AHDC1: variants seen among roughly 807,000 people sequenced by gnomAD.
AHDC1 encodes transcription factor Gibbin.
AHDC1 carries 7 observed loss-of-function variants against 87.9 expected under a neutral mutation model. The observed-to-expected ratio is 0.08, with a 90% CI of 0.05 to 0.15. AHDC1 has a LOEUF of 0.15. AHDC1 is among the 10% of genes least tolerant of loss of function. The probability of loss-of-function intolerance (pLI) is 1.00; values close to 1 mark genes in which losing one functional copy is unlikely to be tolerated. For missense variants in AHDC1, 1,841 were observed against 2,253.2 expected (o/e 0.82, Z 3.70); for synonymous variants, 1,051 against 1,006.8 (o/e 1.04, Z -0.83).
chr1:27,549,009 G>A lies in AHDC1; in HGVS notation c.3107C>T (p.Ser1036Phe), dbSNP rs1557660083. Reference protein sequence around the residue: ...GGPCLPPSKASFFSSSEGAPF... With the variant: ...GGPCLPPSKAFFFSSSEGAPF... Reference sequence around the variant, plus strand: ...GGCCCCCTCAGAGCTGCTGAAGAAGGAGGCCTTGCTTGGTGGCAGGCAGGG... The same window carrying A: ...GGCCCCCTCAGAGCTGCTGAAGAAGAAGGCCTTGCTTGGTGGCAGGCAGGG... The change falls in exon 8 of 9, where the codon TCC becomes TTC. Residue 1036 changes from serine to phenylalanine, a missense_variant. Around this residue, in one of 13 missense-constraint regions of AHDC1, gnomAD observed 378 missense variants for 399.0 expected, o/e 0.95. Transcript: ENST00000673934. 6.4e-7 allele frequency: 1 copy of A among 1,558,650 alleles called. No individual in the cohort carries two copies. Among genetic ancestry groups the A allele is most frequent in the Non-Finnish European group, 8.6e-7 (1 of 1,158,438 alleles).
chr1:27,598,601 G>A lies in AHDC1; in HGVS notation c.-629+4796C>T, dbSNP rs534114309. On this transcript the variant is annotated intron_variant, in intron 3 of 8. Transcript: ENST00000673934. This position sits in a 1 kb window ranked among gnomAD's most constrained non-coding sequence, Gnocchi z 4.2. The stretch of plus-strand genomic sequence containing the variant: ...CTGCTCTGGTCCCAGTTCCAGGCAT[G>A]AGGGGTTGTTCTTGCCAACTGCACT... Among the ~76,000 whole-genome samples the A allele has an allele frequency of 6.6e-6, 1 of 152,264 alleles. No individual in the cohort carries two copies. Among genetic ancestry groups the A allele is most frequent in the East Asian group, 1.9e-4 (1 of 5,176 alleles).
In AHDC1 at chr1:27,548,022, C is replaced by T; in HGVS notation, c.4094G>A (p.Cys1365Tyr). ...SDGTFGQGFH[C>Y]DSPSLGAPEL... ...GGGAGCACCCAGGCTGGGCGAGTCG[C>T]AGTGGAAGCCTTGGCCAAAGGTGCC... The change falls in exon 8 of 9, where the codon TGC becomes TAC. Residue 1365 changes from cysteine (C) to tyrosine (Y), a missense_variant. Cys to Tyr is a radical substitution (Grantham distance 194, BLOSUM62 -2). Coordinates refer to ENST00000673934, the MANE Select transcript of AHDC1 (RefSeq NM_001371928.1). The T allele has an allele frequency of 6.2e-7, 1 of 1,610,808 alleles. No individual in the cohort carries two copies. Among genetic ancestry groups the T allele is most frequent in the Non-Finnish European group, 8.5e-7 (1 of 1,177,484 alleles).
Position 27,550,339 on chromosome 1 carries a change from T to G in AHDC1, c.1777A>C (p.Lys593Gln). 1 of 1,614,072 alleles carries G rather than the reference T, an allele frequency of 6.2e-7. No homozygotes were observed. Among genetic ancestry groups the G allele is most frequent in the Non-Finnish European group, 8.5e-7 (1 of 1,179,982 alleles). Reference sequence around the variant, plus strand: ...TAGGATGGCTGGGGAGATGCCAGCTTCTGCTTCCGCCGCCGTCGTTTTTTT... The same window carrying G: ...TAGGATGGCTGGGGAGATGCCAGCTGCTGCTTCCGCCGCCGTCGTTTTTTT... ...EVKKRRRRKQ[K>Q]LASPQPSYAA... The change falls in exon 8 of 9, where the codon AAG (lysine) becomes CAG (glutamine). Residue 593 changes from lysine (K) to glutamine (Q), a missense_variant. By Grantham distance (53) the Lys-to-Gln change is moderately conservative. This residue lies in a region of AHDC1 where 84 missense variants were observed against 111.7 expected (regional missense o/e 0.75). Transcript: ENST00000673934.
rs1167851289 is a variant in AHDC1, at chr1:27,598,407, A to T, written c.-629+4990T>A. ...TGCAGGAGAGGGATCCTTGATGCCC[A>T]CCTTCCTCATCCCCTGGCCAATGGA... On this transcript the variant is annotated intron_variant, in intron 3 of 8. Coordinates refer to ENST00000673934, the MANE Select transcript of AHDC1 (RefSeq NM_001371928.1). This position sits in a 1 kb window ranked among gnomAD's most constrained non-coding sequence, Gnocchi z 4.2. 6.6e-6 allele frequency among the ~76,000 whole-genome samples: 1 copy of T among 152,130 alleles called. No individual in the cohort carries two copies. The highest frequency in any genetic ancestry group is 6.5e-5 in the Admixed American group (1 of 15,284).
rs201017997 is a variant in AHDC1 at position 27,551,747 on chromosome 1, C to T, written c.369G>A (p.Gln123=). Reference sequence around the variant, plus strand: ...TCAGGTCCTTCATGATGTCAATCAGCTGCACCACTGGTCGCAGGTTCACCC... The same window carrying T: ...TCAGGTCCTTCATGATGTCAATCAGTTGCACCACTGGTCGCAGGTTCACCC... ...NGRVNLRPVV[Q]LIDIMKDLTR... is the part of the protein sequence containing the mutation. The change falls in exon 8 of 9, where the codon CAG becomes CAA. Residue 123 remains glutamine, a synonymous_variant. Transcript: ENST00000673934. 2 of 1,613,774 alleles carry T rather than the reference C, an allele frequency of 1.2e-6. No individual in the cohort carries two copies. The highest frequency in any genetic ancestry group is 1.7e-6 in the Non-Finnish European group (2 of 1,179,948).
intron 3 of AHDC1, among the ~76,000 whole-genome samples, chr1:27,578,123 C>T (rs1419749884): frequency 2.6e-5 from 4 of 152,348 alleles, no homozygotes; most frequent in Admixed American, 6.5e-5. Context: ...AACATGGTAG[C>T]CACTAGCCAC....
At chr1:27,594,934 G>T (rs2089325371) in intron 3 of AHDC1, among the ~76,000 whole-genome samples, 1 of 152,060 alleles carries the variant, frequency 6.6e-6, no homozygotes, top group Admixed American at 6.6e-5. Flanking sequence ...TTGGAGAGGT[G>T]TAGGGGTGTC....
intron 3 of AHDC1, among the ~76,000 whole-genome samples, chr1:27,575,008 C>CCA (rs1430872802): frequency 6.6e-6 from 1 of 152,228 alleles, no homozygotes; most frequent in African/African-American, 2.4e-5. Flanking sequence ...ACATCTGCCC[C>CCA]CACATCGGCT....
chr1:27,588,889 C>T (rs1440049557), intron 3 of AHDC1, among the ~76,000 whole-genome samples: 1 of 151,872 alleles, frequency 6.6e-6, no homozygotes, highest in East Asian at 1.9e-4. Flanking sequence ...TTGTGCACTT[C>T]TGCTAGGAGG....
rs1196259823 is a variant in AHDC1, at chr1:27,604,086, C to G, written c.-863+20G>C. The G allele has an allele frequency of 6.5e-6, 1 of 154,460 alleles. No individual in the cohort carries two copies. Among genetic ancestry groups the G allele is most frequent in the Non-Finnish European group, 1.4e-5 (1 of 69,274 alleles). The allele number at this position is 154,460 out of a possible 1,614,324, so 9.6% of individuals were successfully genotyped here. A position where few individuals can be genotyped will look rare whatever the true frequency, so the allele number is the denominator to read the frequency against. ...CCTCGCTCGCTCCCTCCCTCCGTCT[C>G]TCGCCCTCGCCCTGCCTGCCTGCCT... On this transcript the variant is annotated intron_variant, in intron 1 of 8. Coordinates refer to ENST00000673934, the MANE Select transcript of AHDC1 (RefSeq NM_001371928.1).
At chr1:27,573,687 T>C (rs2088617018) in intron 3 of AHDC1, among the ~76,000 whole-genome samples, 1 of 152,126 alleles carries the variant, frequency 6.6e-6, no homozygotes, top group Admixed American at 6.5e-5. Flanking sequence ...CAAGGGAAGG[T>C]TACAAAGTTC....
chr1:27,583,296 A>G (rs1461333800), intron 3 of AHDC1, among the ~76,000 whole-genome samples: 1 of 152,048 alleles, frequency 6.6e-6, no homozygotes, highest in African/African-American at 2.4e-5. Context: ...CTGAGCCCTA[A>G]GCCGCGTTCA....
rs563167648 is a variant in AHDC1 at position 27,560,067 on chromosome 1, G to A, written c.-628-1184C>T. Among the ~76,000 whole-genome samples, 4 of 152,298 alleles carry A rather than the reference G, an allele frequency of 2.6e-5. No homozygotes were observed. Among genetic ancestry groups the A allele is most frequent in the East Asian group, 3.9e-4 (2 of 5,190 alleles). ...AGCGTGTCCATGTGTGGGATCACGC[G>A]TTTGCTCAGTTGTGGCTGCTGTGGT... is the stretch of plus-strand genomic sequence containing the variant. On this transcript the variant is annotated intron_variant, in intron 3 of 8. Coordinates refer to ENST00000673934, the MANE Select transcript of AHDC1 (RefSeq NM_001371928.1). This position sits in a 1 kb window ranked among gnomAD's most constrained non-coding sequence, Gnocchi z 4.1.
At chr1:27,571,213 A>C (rs2020552084) in intron 3 of AHDC1, among the ~76,000 whole-genome samples, 2 of 152,150 alleles carry the variant, frequency 1.3e-5, no homozygotes, top group Non-Finnish European at 2.9e-5. Context: ...CTGCCACCCC[A>C]AATGTCCCAT....
chr1:27,576,551 T>G (rs970369095), intron 3 of AHDC1, among the ~76,000 whole-genome samples: 3 of 152,186 alleles, frequency 2.0e-5, no homozygotes, highest in Admixed American at 6.5e-5. Context: ...TTCACGAAGG[T>G]TAAGTGACCC....
intron 3 of AHDC1, among the ~76,000 whole-genome samples, chr1:27,566,922 G>A (rs1269124564): frequency 1.3e-5 from 2 of 151,976 alleles, no homozygotes; most frequent in East Asian, 1.9e-4. Flanking sequence ...GCATGGTAGG[G>A]GGCTGAGGCA....
intron 8 of AHDC1, among the ~76,000 whole-genome samples, chr1:27,535,213 A>T (rs934689171): frequency 6.6e-6 from 1 of 152,218 alleles, no homozygotes; most frequent in Admixed American, 6.5e-5. Flanking sequence ...CTCTGGAATC[A>T]GACACAGCTG....
chr1:27,565,992 C>T lies in AHDC1; in HGVS notation c.-628-7109G>A, dbSNP rs1362986778. On this transcript the variant is annotated intron_variant, in intron 3 of 8. Transcript: ENST00000673934. The surrounding 1 kb of genome is among the most constrained non-coding windows in gnomAD (Gnocchi z 4.6). ...CATAAGCCCAGTGGGGCTTCCAGGACATCTGGCCCCTACTAAAAAGAGGGA... is the reference window on the plus strand; with the variant it reads ...CATAAGCCCAGTGGGGCTTCCAGGATATCTGGCCCCTACTAAAAAGAGGGA... Among the ~76,000 whole-genome samples, 1 of 152,168 alleles carries T rather than the reference C, an allele frequency of 6.6e-6. No individual in the cohort carries two copies. Among genetic ancestry groups the T allele is most frequent in the Non-Finnish European group, 1.5e-5 (1 of 68,030 alleles).
In AHDC1 at chr1:27,541,983, C is replaced by T. The variant is rs116795702; in HGVS notation, c.*43+5278G>A. Among the ~76,000 whole-genome samples, 714 of 152,366 alleles carry T rather than the reference C, an allele frequency of 4.7e-3. 9 individuals are homozygous for T. Among genetic ancestry groups the T allele is most frequent in the African/African-American group, 0.016 (678 of 41,580 alleles). On this transcript the variant is annotated intron_variant, in intron 8 of 8. Transcript: ENST00000673934. Reference sequence around the variant, plus strand: ...GGCTGCAAGCCCTGTGGGGGCAGGGCACTGTGTGTCTTGCTCAGTGATACC... The same window carrying T: ...GGCTGCAAGCCCTGTGGGGGCAGGGTACTGTGTGTCTTGCTCAGTGATACC...
Sources: allele counts gnomAD v4.1 joint callset (sites outside exome capture counted in the v4.1 genomes callset), GRCh38; gene constraint gnomAD v4.1.1; regional missense constraint gnomAD v4.1.1; non-coding constraint Gnocchi (gnomAD v3.1); transcripts MANE v1.5; gene names NCBI Gene and HGNC (gene_info 2026-07-23, HGNC 2026-07-21).